Variants in RBFOX1 observed in about 807,000 individuals in gnomAD.
RBFOX1 encodes the protein RNA binding fox-1 homolog 1.
In RBFOX1, 8 loss-of-function variants were observed where a neutral mutation model predicts 57.7. That is an observed-to-expected ratio of 0.14 (90% CI 0.08 to 0.25). The LOEUF (loss-of-function observed/expected upper bound fraction) is 0.25, where lower values mean the gene tolerates loss of function less well. Among genes scored for constraint, RBFOX1 ranks in the 10% least tolerant of loss-of-function variants. The pLI is 1.00. For missense variants in RBFOX1, 611 were observed against 548.5 expected (o/e 1.11, Z -1.14); for synonymous variants, 326 against 222.4 (o/e 1.47, Z -4.15).
At chr16:7,255,971 ATG>A (rs1280154082) in intron 4 of RBFOX1, among the ~76,000 whole-genome samples, 1 of 152,154 alleles carries the variant, frequency 6.6e-6, no homozygotes, top group Non-Finnish European at 1.5e-5. Context: ...TGGGGTGATT[ATG>A]TGTGTTGGTG....
At chr16:5,908,113 CATATATACACAT>C (rs2058510302) in intron 4 of RBFOX1, among the ~76,000 whole-genome samples, 1 of 136,112 alleles carries the variant, frequency 7.3e-6, no homozygotes, top group African/African-American at 3.3e-5. Flanking sequence ...TATATATACA[CATATATACACAT>C]ATATATATAC....
chr16:5,302,138 C>G (rs978405132), intron 1 of RBFOX1, among the ~76,000 whole-genome samples: 1 of 152,050 alleles, frequency 6.6e-6, no homozygotes, highest in African/African-American at 2.4e-5. Context: ...AATATATTGT[C>G]TTTTGGTTAT....
At chr16:6,524,094 A>C (rs915245411) in intron 2 of RBFOX1, among the ~76,000 whole-genome samples, 4 of 152,108 alleles carry the variant, frequency 2.6e-5, no homozygotes, top group African/African-American at 9.7e-5. Context: ...ACTAGGTCTT[A>C]TTCATTCTAT....
intron 1 of RBFOX1, among the ~76,000 whole-genome samples, chr16:5,290,901 G>A (rs2063517972): frequency 6.6e-6 from 1 of 152,074 alleles, no homozygotes. Flanking sequence ...GTTTCACCAT[G>A]TTGACCAGGC....
At chr16:6,749,013 A>G (rs1266841801) in intron 3 of RBFOX1, 1 of 152,196 alleles carries the variant, frequency 6.6e-6, no homozygotes, top group Non-Finnish European at 1.5e-5. Flanking sequence ...GGAAGAATTA[A>G]AAATCATGGG....
At chr16:5,266,812 G>T (rs927412929) in intron 1 of RBFOX1, among the ~76,000 whole-genome samples, 10 of 151,966 alleles carry the variant, frequency 6.6e-5, no homozygotes, top group Non-Finnish European at 1.3e-4. Context: ...GCTCACCTCG[G>T]CCTCCCAAAG....
chr16:7,306,439 A>T (rs1603617020), intron 4 of RBFOX1, among the ~76,000 whole-genome samples: 2 of 152,164 alleles, frequency 1.3e-5, no homozygotes, highest in African/African-American at 4.8e-5. Flanking sequence ...AATCAGCATC[A>T]TGGTTCCATA....
intron 2 of RBFOX1, among the ~76,000 whole-genome samples, chr16:6,395,026 C>G (rs1370060356): frequency 6.6e-6 from 1 of 152,176 alleles, no homozygotes; most frequent in South Asian, 2.1e-4. Flanking sequence ...AAATGGCTGG[C>G]CAATGGCCAT....
chr16:6,881,022 A>T (rs570185085), intron 3 of RBFOX1, among the ~76,000 whole-genome samples: 104 of 152,198 alleles, frequency 6.8e-4, no homozygotes, highest in South Asian at 1.0e-3. Flanking sequence ...CGTGGCCCAT[A>T]CCCTCCACCT....
intron 3 of RBFOX1, among the ~76,000 whole-genome samples, chr16:6,927,147 C>T (rs2153464962): frequency 6.6e-6 from 1 of 152,126 alleles, no homozygotes. Context: ...TAGAGGGTCC[C>T]CACCCTCAGA....
chr16:6,529,303 C>A (rs1338497875), intron 2 of RBFOX1, among the ~76,000 whole-genome samples: 1 of 152,114 alleles, frequency 6.6e-6, no homozygotes. Context: ...TGGCTCATGC[C>A]TGTAATCCCA....
intron 5 of RBFOX1, among the ~76,000 whole-genome samples, chr16:7,536,737 G>A (rs2081567319): frequency 1.3e-5 from 2 of 152,248 alleles, no homozygotes; most frequent in East Asian, 1.9e-4. Flanking sequence ...ATTGTCGATT[G>A]TATATGTCTC....
At position 7,520,231 on chromosome 16, in the gene RBFOX1, T is replaced by C. The variant is rs186788475; in HGVS notation, c.270+1842T>C. Among the ~76,000 whole-genome samples, 285 of 152,336 alleles carry C rather than the reference T, an allele frequency of 1.9e-3. 2 individuals carry two copies. Among genetic ancestry groups the C allele is most frequent in the African/African-American group, 6.7e-3 (279 of 41,570 alleles). On this transcript the variant is annotated intron_variant, in intron 5 of 15. Transcript: ENST00000550418. ...AAAATGGTATACATTCTGAAATTTT[T>C]AGTTGCCTTCCTCCCTTTTTAATTT... is the stretch of plus-strand genomic sequence containing the variant.
At chr16:5,696,995 C>G (rs1216183064) in intron 3 of RBFOX1, among the ~76,000 whole-genome samples, 1 of 152,142 alleles carries the variant, frequency 6.6e-6, no homozygotes, top group Non-Finnish European at 1.5e-5. Context: ...TCACTGCGTC[C>G]TCTGCCTCCT....
intron 2 of RBFOX1, among the ~76,000 whole-genome samples, chr16:6,389,805 C>G (rs866321986): frequency 5.3e-5 from 8 of 152,160 alleles, no homozygotes; most frequent in Admixed American, 6.5e-5. Flanking sequence ...AGAAATCAAG[C>G]TATGGACTGG....
At chr16:7,507,914 A>G (rs2073904691) in intron 4 of RBFOX1, among the ~76,000 whole-genome samples, 1 of 151,294 alleles carries the variant, frequency 6.6e-6, no homozygotes, top group Admixed American at 6.6e-5. Context: ...TCCACTGACT[A>G]AGGACCCATG....
At chr16:6,522,849 A>C (rs183644675) in intron 2 of RBFOX1, among the ~76,000 whole-genome samples, 2,221 of 151,536 alleles carry the variant, frequency 0.015, 45 homozygotes, top group African/African-American at 0.051. Context: ...CTTCCTGCTC[A>C]CAAACTTCTC....
At chr16:5,334,708 A>G (rs1284235695) in intron 1 of RBFOX1, among the ~76,000 whole-genome samples, 3 of 151,912 alleles carry the variant, frequency 2.0e-5, no homozygotes, top group Non-Finnish European at 4.4e-5. Context: ...TCTTTACAAT[A>G]TAATTATAGG....
At chr16:5,433,998 C>T (rs533499944) in intron 1 of RBFOX1, among the ~76,000 whole-genome samples, 1 of 152,200 alleles carries the variant, frequency 6.6e-6, no homozygotes, top group South Asian at 2.1e-4. Flanking sequence ...CTGGGTCCAC[C>T]CCAGTCCTAT....
Sources: allele counts gnomAD v4.1 joint callset (sites outside exome capture counted in the v4.1 genomes callset), GRCh38; gene constraint gnomAD v4.1.1; transcripts MANE v1.5; gene names NCBI Gene and HGNC (gene_info 2026-07-23, HGNC 2026-07-21).